The following CD200R1L variants were observed in gnomAD, a reference collection of about 807,000 sequenced individuals.
The protein encoded by CD200R1L is CD200 receptor 1 like.
CD200R1L carries 14 observed loss-of-function variants against 24.8 expected under a neutral mutation model. That is an observed-to-expected ratio of 0.56 (90% CI 0.37 to 0.88). The LOEUF (loss-of-function observed/expected upper bound fraction) is 0.88, where lower values mean the gene tolerates loss of function less well. CD200R1L is among the 40% of genes least tolerant of loss of function. The pLI, the probability that CD200R1L is intolerant of heterozygous loss-of-function variation, is 0.00. For synonymous variants in CD200R1L, 111 were observed against 109.2 expected (o/e 1.02, Z -0.11); for missense variants, 299 against 297.8 (o/e 1.00, Z -0.03).
intron 2 of CD200R1L, among the ~76,000 whole-genome samples, chr3:112,840,557 T>C (rs1939053878): frequency 6.6e-6 from 1 of 152,168 alleles, no homozygotes; most frequent in Non-Finnish European, 1.5e-5. Flanking sequence ...CCTCCCATAC[T>C]GGGGATTACA....
chr3:112,846,329 CAATTTTTAATGCTGTATAGTA>C (rs2107359111), intron 1 of CD200R1L, among the ~76,000 whole-genome samples: 1 of 152,294 alleles, frequency 6.6e-6, no homozygotes, highest in African/African-American at 2.4e-5. Flanking sequence ...TTGCAAATTT[CAATTTTTAATGCTGTATAGTA>C]AATTTTCAAT....
intron 7 of CD200R1L, among the ~76,000 whole-genome samples, chr3:112,819,037 G>A (rs2107327441): frequency 6.6e-6 from 1 of 152,294 alleles, no homozygotes; most frequent in East Asian, 1.9e-4. Context: ...GAAGGCGAAG[G>A]GGAAGCAAGG....
Position 112,827,383 on chromosome 3 carries a change from A to G in CD200R1L, c.351T>C (p.Tyr117=), listed in dbSNP as rs1449387774. 1.9e-6 allele frequency: 3 copies of G among 1,613,788 alleles called. No homozygotes were observed. The highest frequency in any genetic ancestry group is 2.5e-6 in the Non-Finnish European group (3 of 1,179,828). The change falls in exon 5 of 8, where the codon TAT becomes TAC. Residue 117 remains tyrosine, a synonymous_variant. Coordinates refer to ENST00000488794, the MANE Select transcript of CD200R1L (RefSeq NM_001199215.3). ...GCTCCTTACCTAACACTTGGAGGTG[A>G]TATCCACGATGGAAATTCCCATCAG... is the stretch of plus-strand genomic sequence containing the variant. ...VTPDGNFHRG[Y]HLQVLVTPEV...
intron 7 of CD200R1L, among the ~76,000 whole-genome samples, chr3:112,819,086 G>C (rs1938468492): frequency 6.6e-6 from 1 of 152,192 alleles, no homozygotes; most frequent in Non-Finnish European, 1.5e-5. Context: ...GTGAGCAGGG[G>C]AAACTGCCAC....
chr3:112,827,657 T>C lies in CD200R1L; in HGVS notation c.77A>G (p.Asp26Gly), dbSNP rs1431039706. 8.7e-6 allele frequency: 14 copies of C among 1,613,694 alleles called. No individual in the cohort carries two copies. The highest frequency in any genetic ancestry group is 6.8e-6 in the Non-Finnish European group (8 of 1,179,844). ...EGNISQPVLM[D>G]INAVLCCPPI... ...AGGGCAACAAAGCACAGCATTTATA[T>C]CCATCAGTACAGGCTGTGAAATGTT... The change falls in exon 5 of 8, where the codon GAT becomes GGT. Residue 26 changes from aspartate to glycine, a missense_variant. Coordinates refer to ENST00000488794, the MANE Select transcript of CD200R1L (RefSeq NM_001199215.3).
At chr3:112,816,321 G>C (rs756444804) in intron 7 of CD200R1L, among the ~76,000 whole-genome samples, 1 of 152,074 alleles carries the variant, frequency 6.6e-6, no homozygotes, top group South Asian at 2.1e-4. Flanking sequence ...GGGACTGAGG[G>C]GACACAGCTC....
intron 6 of CD200R1L, among the ~76,000 whole-genome samples, chr3:112,823,775 G>T (rs909958024): frequency 6.6e-6 from 1 of 152,196 alleles, no homozygotes; most frequent in African/African-American, 2.4e-5. Context: ...TGCAATGGAA[G>T]AAGAGAGTGC....
intron 7 of CD200R1L, 89 bp downstream of exon 7, chr3:112,819,683 C>G (rs1289023284): frequency 7.3e-7 from 1 of 1,372,654 alleles, no homozygotes; most frequent in Non-Finnish European, 9.6e-7. Flanking sequence ...AAGTGTCAAG[C>G]TTTTCCCAGT....
intron 2 of CD200R1L, among the ~76,000 whole-genome samples, chr3:112,844,069 C>T (rs914401271): frequency 6.6e-6 from 1 of 152,160 alleles, no homozygotes; most frequent in African/African-American, 2.4e-5. Context: ...TATTTCTAAT[C>T]CTGTGGAAAG....
chr3:112,816,251 T>C (rs1417690644), intron 7 of CD200R1L, among the ~76,000 whole-genome samples: 4 of 152,182 alleles, frequency 2.6e-5, no homozygotes, highest in Non-Finnish European at 5.9e-5. Context: ...CTTACTCATA[T>C]GTTTAGGGGA....
chr3:112,845,380 T>C (rs759221269), intron 2 of CD200R1L, among the ~76,000 whole-genome samples: 3 of 152,176 alleles, frequency 2.0e-5, no homozygotes, highest in Non-Finnish European at 4.4e-5. Flanking sequence ...AGTTCTCAAA[T>C]TGAATCAGTA....
intron 6 of CD200R1L, among the ~76,000 whole-genome samples, chr3:112,822,442 T>C (rs74525174): frequency 0.036 from 5,424 of 152,194 alleles, 119 homozygotes; most frequent in African/African-American, 0.058. Flanking sequence ...TAAAAACCAA[T>C]GCCCAACAAT....
chr3:112,816,058 G>A (rs1033561243), intron 7 of CD200R1L, 83 bp from the exon 8 acceptor site: 62 of 744,554 alleles, frequency 8.3e-5, no homozygotes, highest in Admixed American at 1.7e-4. Flanking sequence ...AGGAAACTGA[G>A]AAATGCCTTT....
intron 6 of CD200R1L, among the ~76,000 whole-genome samples, chr3:112,822,583 G>A (rs1409998364): frequency 7.9e-5 from 12 of 152,168 alleles, no homozygotes; most frequent in Admixed American, 4.6e-4. Context: ...CACTCCCAGA[G>A]ACATCACGGA....
chr3:112,838,324 GA>G (rs1323119478), intron 2 of CD200R1L, among the ~76,000 whole-genome samples: 1 of 152,148 alleles, frequency 6.6e-6, no homozygotes, highest in Admixed American at 6.5e-5. Flanking sequence ...ATCAGTGGAA[GA>G]GTTCAATGCA....
At chr3:112,818,978 C>T (rs891532124) in intron 7 of CD200R1L, among the ~76,000 whole-genome samples, 1 of 152,198 alleles carries the variant, frequency 6.6e-6, no homozygotes, top group African/African-American at 2.4e-5. Flanking sequence ...TTAACTGACT[C>T]ACAGTTCCAC....
At chr3:112,835,052 T>C (rs1288052103) in intron 3 of CD200R1L, among the ~76,000 whole-genome samples, 3 of 152,218 alleles carry the variant, frequency 2.0e-5, no homozygotes, top group African/African-American at 7.2e-5. Flanking sequence ...ATCCACAATG[T>C]GGCAATCAAG....
At chr3:112,821,170 T>C (rs1373811795) in intron 6 of CD200R1L, among the ~76,000 whole-genome samples, 1 of 152,000 alleles carries the variant, frequency 6.6e-6, no homozygotes, top group African/African-American at 2.4e-5. Flanking sequence ...TTCTATCCCA[T>C]TAAATAACCT....
chr3:112,834,407 G>C (rs532839095), intron 3 of CD200R1L, among the ~76,000 whole-genome samples: 1 of 151,924 alleles, frequency 6.6e-6, no homozygotes, highest in Non-Finnish European at 1.5e-5. Context: ...GTGAGTCTAG[G>C]ATCTTGAGTT....
Sources: allele counts gnomAD v4.1 joint callset (sites outside exome capture counted in the v4.1 genomes callset), GRCh38; gene constraint gnomAD v4.1.1; transcripts MANE v1.5; gene names NCBI Gene and HGNC (gene_info 2026-07-23, HGNC 2026-07-21).